The following PHF20 variants were observed in gnomAD, a reference collection of about 807,000 sequenced individuals.
PHF20 encodes PHD finger protein 20, also known as glioma-expressed antigen 2.
Under a neutral mutation model 113.5 loss-of-function variants are expected in PHF20, and 23 were observed. The observed-to-expected ratio is 0.20, with a 90% CI of 0.15 to 0.29. The LOEUF (loss-of-function observed/expected upper bound fraction) is 0.29. Among genes scored for constraint, PHF20 ranks in the 10% least tolerant of loss-of-function variants. PHF20 has a pLI of 1.00. For synonymous variants in PHF20, 434 were observed against 457.3 expected (o/e 0.95, Z 0.65); for missense variants, 943 against 1,219.6 (o/e 0.77, Z 3.38).
intron 2 of PHF20, among the ~76,000 whole-genome samples, chr20:35,810,849 A>T (rs2041964155): frequency 6.6e-6 from 1 of 152,118 alleles, no homozygotes; most frequent in Non-Finnish European, 1.5e-5. Context: ...GCCAAAAACA[A>T]TGGAGCGTTT....
At chr20:35,866,315 G>A (rs965421228) in intron 6 of PHF20, among the ~76,000 whole-genome samples, 1 of 152,222 alleles carries the variant, frequency 6.6e-6, no homozygotes, top group Non-Finnish European at 1.5e-5. Context: ...TTTCTCAACT[G>A]AGTTTTGGGA....
intron 9 of PHF20, among the ~76,000 whole-genome samples, chr20:35,894,274 T>A (rs746030401): frequency 2.6e-5 from 4 of 152,264 alleles, no homozygotes; most frequent in Non-Finnish European, 5.9e-5. Flanking sequence ...AACATAAGCC[T>A]GCTTATGATG....
chr20:35,783,719 C>G (rs1010448774), intron 1 of PHF20, among the ~76,000 whole-genome samples: 1 of 151,830 alleles, frequency 6.6e-6, no homozygotes, highest in East Asian at 1.9e-4. Flanking sequence ...TGGTGCCTCA[C>G]TCCTGTAATC....
intron 17 of PHF20, 21 bp downstream of exon 17, chr20:35,941,068 C>T: frequency 6.2e-7 from 1 of 1,604,484 alleles, no homozygotes; most frequent in Non-Finnish European, 8.5e-7. Context: ...TTCATTGGCC[C>T]CCTGTGCATT....
intron 1 of PHF20, among the ~76,000 whole-genome samples, chr20:35,786,499 C>G (rs6142444): frequency 6.6e-6 from 1 of 151,996 alleles, no homozygotes; most frequent in African/African-American, 2.4e-5. Flanking sequence ...GCCAGGAGAT[C>G]GAGACTATGC....
chr20:35,939,141 A>G (rs753119068), intron 16 of PHF20, 33 bp downstream of exon 16: 3 of 1,541,226 alleles, frequency 1.9e-6, no homozygotes, highest in South Asian at 1.2e-5. Flanking sequence ...TTCTTCATTC[A>G]TTGCGTGAAT....
At chr20:35,879,530 A>G (rs1446533353) in intron 9 of PHF20, among the ~76,000 whole-genome samples, 1 of 152,150 alleles carries the variant, frequency 6.6e-6, no homozygotes. Context: ...AACTGAACAA[A>G]TTACCTACAG....
chr20:35,891,332 A>C (rs2054848749), intron 9 of PHF20, among the ~76,000 whole-genome samples: 1 of 150,690 alleles, frequency 6.6e-6, no homozygotes, highest in South Asian at 2.1e-4. Flanking sequence ...AGCTGAGATC[A>C]TGCCACTGCA....
intron 15 of PHF20, 154 bp from the exon 16 acceptor site, chr20:35,938,543 G>A (rs997141469): frequency 1.8e-5 from 13 of 713,264 alleles, no homozygotes; most frequent in Admixed American, 9.7e-5. Context: ...AGGAGACCAC[G>A]GATTCACATT....
chr20:35,808,008 AG>A (rs1294627466), intron 2 of PHF20, among the ~76,000 whole-genome samples: 1 of 152,104 alleles, frequency 6.6e-6, no homozygotes, highest in African/African-American at 2.4e-5. Context: ...GATAATATGA[AG>A]GGGGAAAAGG....
At chr20:35,810,883 G>A (rs2041964738) in intron 2 of PHF20, among the ~76,000 whole-genome samples, 1 of 152,102 alleles carries the variant, frequency 6.6e-6, no homozygotes, top group Non-Finnish European at 1.5e-5. Flanking sequence ...TAGACTGAAA[G>A]TGGTTATGTT....
At chr20:35,866,019 GC>G (rs1052920131) in intron 6 of PHF20, among the ~76,000 whole-genome samples, 2 of 151,994 alleles carry the variant, frequency 1.3e-5, no homozygotes, top group Non-Finnish European at 2.9e-5. Flanking sequence ...GACCAGCCTG[GC>G]CAACATGGTG....
intron 2 of PHF20, chr20:35,838,415 C>T (rs1335907989): frequency 6.6e-6 from 1 of 152,068 alleles, no homozygotes; most frequent in East Asian, 1.9e-4. Flanking sequence ...ATCCTCCTTC[C>T]CGAGGTAGCC....
chr20:35,775,444 G>A (rs1030527166), intron 1 of PHF20, among the ~76,000 whole-genome samples: 1 of 151,978 alleles, frequency 6.6e-6, no homozygotes, highest in Non-Finnish European at 1.5e-5. Context: ...AGTTATTCTA[G>A]CACATAGCTT....
intron 3 of PHF20, among the ~76,000 whole-genome samples, chr20:35,844,894 A>G (rs1472901098): frequency 6.6e-6 from 1 of 152,144 alleles, no homozygotes; most frequent in Non-Finnish European, 1.5e-5. Context: ...TGATATAAAA[A>G]TCACCCATTT....
intron 11 of PHF20, among the ~76,000 whole-genome samples, chr20:35,913,602 T>C (rs1400473405): frequency 6.6e-6 from 1 of 152,234 alleles, no homozygotes; most frequent in Non-Finnish European, 1.5e-5. Context: ...TGCAGGATGG[T>C]ACAGATGAAG....
rs765285443 is a variant in PHF20, at chr20:35,931,286, G to A, written c.2142G>A (p.Glu714=). ...GCTTCAAGTACTGGTATGACAAGGA[G>A]TGGCTGAGCAGGGGACATATGCATG... is the stretch of plus-strand genomic sequence containing the variant. ...RPGFKYWYDK[E]WLSRGHMHGL... is the part of the protein sequence containing the mutation. The change falls in exon 15 of 18, where the codon GAG becomes GAA. Residue 714 remains glutamate (E), a synonymous_variant. Transcript: ENST00000374012. 13 of 1,613,670 alleles carry A rather than the reference G, an allele frequency of 8.1e-6. No homozygotes were observed. The highest frequency in any genetic ancestry group is 4.5e-5 in the East Asian group (2 of 44,892).
At chr20:35,816,751 C>T (rs1308428302) in intron 2 of PHF20, among the ~76,000 whole-genome samples, 1 of 151,408 alleles carries the variant, frequency 6.6e-6, no homozygotes, top group Non-Finnish European at 1.5e-5. Context: ...TGCGCCCGGC[C>T]GATTTATGTC....
At chr20:35,873,462 TTTTG>T (rs1485574176) in intron 9 of PHF20, among the ~76,000 whole-genome samples, 71 of 136,442 alleles carry the variant, frequency 5.2e-4, no homozygotes, top group African/African-American at 1.6e-3. Context: ...TTGTCTGTTT[TTTTG>T]TTTTTTTTTT....
Sources: gnomAD v4.1 joint callset for allele counts (sites outside exome capture counted in the v4.1 genomes callset) on GRCh38, gnomAD v4.1.1 for gene constraint, MANE v1.5 for transcripts, NCBI Gene and HGNC (gene_info 2026-07-23, HGNC 2026-07-21) for gene names.